Variants in PTPN12 observed in about 807,000 individuals in gnomAD.
PTPN12 encodes protein tyrosine phosphatase non-receptor type 12, also known as tyrosine-protein phosphatase non-receptor type 12.
PTPN12 carries 29 observed loss-of-function variants against 97.6 expected under a neutral mutation model. The observed-to-expected ratio is 0.30, with a 90% CI of 0.22 to 0.41. The LOEUF (loss-of-function observed/expected upper bound fraction) is 0.41. Ranked by LOEUF, PTPN12 falls within the 10% of genes least tolerant of loss-of-function variation. The pLI, the probability that PTPN12 is intolerant of heterozygous loss-of-function variation, is 1.00. For missense variants in PTPN12, 819 were observed against 926.0 expected, an observed-to-expected ratio of 0.88 and a Z score of 1.50; for synonymous variants, 327 against 300.4, an observed-to-expected ratio of 1.09 and a Z score of -0.91.
Position 77,563,869 on chromosome 7 carries a change from C to G in PTPN12, c.100-7209C>G, listed in dbSNP as rs1260463606. 12 of 365,122 alleles carry G rather than the reference C, an allele frequency of 3.3e-5. No homozygotes were observed. The East Asian group carries it at 1.1e-3, about 35-fold the overall frequency. The allele number at this position is 365,122 out of a possible 1,614,324, so 22.6% of individuals were successfully genotyped here. A position where few individuals can be genotyped will look rare whatever the true frequency, so the allele number is the denominator to read the frequency against. On this transcript the variant is annotated intron_variant, in intron 1 of 17. Transcript: ENST00000248594. ...CATTGCAGTTGTATAGTTGAAAGACCCTTTGGTTATTTTAGCTGCTTATAA... is the reference window on the plus strand; with the variant it reads ...CATTGCAGTTGTATAGTTGAAAGACGCTTTGGTTATTTTAGCTGCTTATAA...
intron 14 of PTPN12, among the ~76,000 whole-genome samples, chr7:77,634,117 T>A (rs1421059238): frequency 2.6e-5 from 4 of 152,120 alleles, no homozygotes; most frequent in Admixed American, 2.6e-4. Flanking sequence ...GAAGGATTGC[T>A]TGATCCCTGT....
chr7:77,612,848 C>T (rs1176594141), intron 11 of PTPN12, among the ~76,000 whole-genome samples: 1 of 151,092 alleles, frequency 6.6e-6, no homozygotes. Context: ...AGTGCAGTGG[C>T]GCAACCTCTG....
chr7:77,583,125 A>G (rs933274268), intron 3 of PTPN12, among the ~76,000 whole-genome samples: 9 of 152,170 alleles, frequency 5.9e-5, no homozygotes, highest in African/African-American at 2.2e-4. Flanking sequence ...TGCTTGATAA[A>G]CTTTTGAGTT....
intron 8 of PTPN12, among the ~76,000 whole-genome samples, chr7:77,605,325 A>T (rs1264386311): frequency 6.6e-6 from 1 of 150,638 alleles, no homozygotes. Context: ...ACATCTTATA[A>T]TTACTCATAG....
intron 1 of PTPN12, among the ~76,000 whole-genome samples, chr7:77,567,228 C>G (rs970035660): frequency 4.0e-5 from 6 of 148,796 alleles, no homozygotes; most frequent in Non-Finnish European, 7.4e-5. Flanking sequence ...TAGGCCAAAT[C>G]AGATCTTAAT....
intron 1 of PTPN12, among the ~76,000 whole-genome samples, chr7:77,568,592 A>G (rs1432606255): frequency 6.6e-6 from 1 of 152,192 alleles, no homozygotes; most frequent in Non-Finnish European, 1.5e-5. Flanking sequence ...ATGGTGAGCC[A>G]TGATCATGCC....
At chr7:77,597,657 T>C (rs960775502) in intron 6 of PTPN12, among the ~76,000 whole-genome samples, 185 bp from the exon 7 acceptor site, 2 of 152,244 alleles carry the variant, frequency 1.3e-5, no homozygotes, top group African/African-American at 4.8e-5. Context: ...ATAATTAGCA[T>C]GTCTATCACT....
chr7:77,537,957 G>A (rs1806740504), intron 1 of PTPN12: 1 of 823,946 alleles, frequency 1.2e-6, no homozygotes, highest in Non-Finnish European at 1.5e-6. Context: ...GCCGGGAGCC[G>A]TAGGCAAGTG....
At chr7:77,606,246 G>A (rs987616711) in intron 8 of PTPN12, among the ~76,000 whole-genome samples, 8 of 151,906 alleles carry the variant, frequency 5.3e-5, no homozygotes, top group African/African-American at 1.9e-4. Context: ...GAGCCCCTGC[G>A]CCCAGCCACA....
chr7:77,558,284 T>C (rs975798586), intron 1 of PTPN12, among the ~76,000 whole-genome samples: 1 of 151,742 alleles, frequency 6.6e-6, no homozygotes, highest in African/African-American at 2.4e-5. Context: ...CTAGTGTTTC[T>C]AGGTCCATTA....
intron 1 of PTPN12, among the ~76,000 whole-genome samples, chr7:77,567,381 A>T (rs932213916): frequency 6.6e-6 from 1 of 152,180 alleles, no homozygotes; most frequent in Non-Finnish European, 1.5e-5. Flanking sequence ...GGGGAAGATT[A>T]TGTCTGGAGG....
At chr7:77,613,731 A>G (rs1788653915) in intron 11 of PTPN12, among the ~76,000 whole-genome samples, 1 of 151,862 alleles carries the variant, frequency 6.6e-6, no homozygotes, top group African/African-American at 2.4e-5. Flanking sequence ...ACTCACGGGT[A>G]CATCACCTTG....
intron 1 of PTPN12, among the ~76,000 whole-genome samples, chr7:77,561,527 A>G (rs953029647): frequency 2.6e-5 from 4 of 152,170 alleles, no homozygotes; most frequent in African/African-American, 9.7e-5. Context: ...CGGCCTTGCA[A>G]AAATAACTTT....
chr7:77,603,028 G>T (rs1337343083), intron 8 of PTPN12, among the ~76,000 whole-genome samples: 1 of 152,102 alleles, frequency 6.6e-6, no homozygotes, highest in East Asian at 1.9e-4. Flanking sequence ...GAAGTAAAAG[G>T]GCTACTTTTT....
chr7:77,556,766 G>A (rs970763772), intron 1 of PTPN12, among the ~76,000 whole-genome samples: 1 of 151,984 alleles, frequency 6.6e-6, no homozygotes, highest in Non-Finnish European at 1.5e-5. Flanking sequence ...GGAGGTGGAG[G>A]TTGCAGTGAT....
At chr7:77,629,050 A>G (rs2151399165) in intron 13 of PTPN12, among the ~76,000 whole-genome samples, 1 of 152,270 alleles carries the variant, frequency 6.6e-6, no homozygotes, top group South Asian at 2.1e-4. Context: ...CCTGGGTTCA[A>G]GGAATTCTCC....
chr7:77,537,978 C>CGGGG (rs34251983), intron 1 of PTPN12: 16 of 768,594 alleles, frequency 2.1e-5, no homozygotes, highest in African/African-American at 1.3e-4. Context: ...AGGTGCAGGC[C>CGGGG]GGGGGGGGGG....
intron 2 of PTPN12, among the ~76,000 whole-genome samples, chr7:77,572,696 CCT>C (rs1787185940): frequency 6.6e-6 from 1 of 152,138 alleles, no homozygotes; most frequent in South Asian, 2.1e-4. Context: ...TTGGACTGAT[CCT>C]CTCTGTGCCT....
rs775966817 is a variant in PTPN12 at position 77,610,745 on chromosome 7, T to C, written c.763-20T>C. The C allele has an allele frequency of 6.4e-7, 1 of 1,565,020 alleles. No individual in the cohort carries two copies. Reference sequence around the variant, plus strand: ...TCTGAATAGATACACAAAGTTGATGTATTAAATTTTCTGTTTTAGAAAATA... The same window carrying C: ...TCTGAATAGATACACAAAGTTGATGCATTAAATTTTCTGTTTTAGAAAATA... On this transcript the variant is annotated intron_variant, in intron 9 of 17. Coordinates refer to ENST00000248594, the MANE Select transcript of PTPN12 (RefSeq NM_002835.4).
Sources: allele counts gnomAD v4.1 joint callset (sites outside exome capture counted in the v4.1 genomes callset), GRCh38; gene constraint gnomAD v4.1.1; transcripts MANE v1.5; gene names NCBI Gene and HGNC (gene_info 2026-07-23, HGNC 2026-07-21).